USP32: variants seen among roughly 807,000 people sequenced by gnomAD.
USP32 encodes ubiquitin carboxyl-terminal hydrolase 32.
A neutral mutation model predicts 204.8 loss-of-function variants in USP32; 59 were observed. The observed-to-expected ratio is 0.29, with a 90% CI of 0.23 to 0.36. The LOEUF is 0.36. USP32 is among the 10% of genes least tolerant of loss of function. The pLI is 1.00. For missense variants in USP32, 1,160 were observed against 1,946.4 expected (o/e 0.60, Z 7.60); for synonymous variants, 517 against 678.4 (o/e 0.76, Z 3.70).
chr17:60,380,938 T>C (rs2089636691), intron 1 of USP32, among the ~76,000 whole-genome samples: 1 of 152,234 alleles, frequency 6.6e-6, no homozygotes, highest in African/African-American at 2.4e-5. Context: ...TGAATTCAGA[T>C]AATTTCAGAG....
At chr17:60,303,676 C>T (rs984877031) in intron 2 of USP32, among the ~76,000 whole-genome samples, 8 of 152,128 alleles carry the variant, frequency 5.3e-5, no homozygotes, top group African/African-American at 1.7e-4. Context: ...TTGGCTCAGT[C>T]TCTTCTGTCC....
At chr17:60,184,137 A>G (rs71373839) in intron 30 of USP32, among the ~76,000 whole-genome samples, 1 of 151,648 alleles carries the variant, frequency 6.6e-6, no homozygotes, top group South Asian at 2.1e-4. Flanking sequence ...ATAAATAAAT[A>G]AATAAATAAA....
chr17:60,362,824 C>G (rs2089235945), intron 1 of USP32, among the ~76,000 whole-genome samples: 1 of 151,688 alleles, frequency 6.6e-6, no homozygotes, highest in Non-Finnish European at 1.5e-5. Context: ...AAGTATCCTT[C>G]TTTCCCTCAG....
chr17:60,386,143 GTTCT>G (rs1417580654), intron 1 of USP32, among the ~76,000 whole-genome samples: 1 of 151,984 alleles, frequency 6.6e-6, no homozygotes, highest in Non-Finnish European at 1.5e-5. Flanking sequence ...ACTTCCAAGA[GTTCT>G]TTATTATTAA....
chr17:60,271,117 T>C (rs544879914), intron 6 of USP32, among the ~76,000 whole-genome samples: 1 of 152,320 alleles, frequency 6.6e-6, no homozygotes, highest in East Asian at 1.9e-4. Context: ...ACACATTTTA[T>C]ACATGAGCAT....
At position 60,226,167 on chromosome 17, in the gene USP32, G is replaced by C. The variant is rs1246870597; in HGVS notation, c.1304C>G (p.Thr435Ser). The C allele has an allele frequency of 6.3e-7, 1 of 1,597,450 alleles. No individual in the cohort carries two copies. Among genetic ancestry groups the C allele is most frequent in the African/African-American group, 1.4e-5 (1 of 73,762 alleles). ...VLNGGKYSFG[T>S]AAHPMEQVED... ...GACCTGCTCCATAGGATGGGCTGCA[G>C]TTCCAAATGAGTATTTTCCTCCATT... The change falls in exon 13 of 34, where the codon ACT becomes AGT. Residue 435 changes from threonine to serine, a missense_variant. Around this residue, in one of 8 missense-constraint regions of USP32, gnomAD observed 536 missense variants for 680.9 expected, o/e 0.79. Transcript: ENST00000300896.
upstream of USP32, among the ~76,000 whole-genome samples, chr17:60,395,910 A>G (rs951059364): frequency 6.6e-6 from 1 of 152,156 alleles, no homozygotes; most frequent in Non-Finnish European, 1.5e-5. Flanking sequence ...ATAGAAGTGG[A>G]AAAGCACCTA....
chr17:60,219,738 C>T lies in USP32; in HGVS notation c.1799G>A (p.Arg600His), dbSNP rs1339380202. The change falls in exon 16 of 34, where the codon CGC becomes CAC. Residue 600 changes from arginine (R) to histidine (H), a missense_variant. By Grantham distance (29) the Arg-to-His change is conservative. This residue lies in a region of USP32 where 37 missense variants were observed against 62.6 expected (regional missense o/e 0.59). Transcript: ENST00000300896. ...TDIPELELFP[R>H]YLLFLRQQPA... Reference sequence around the variant, plus strand: ...CTGCTGTCTCAGGAAGAGAAGATAGCGGGGAAATAATTCCAGCTCTGGGAT... The same window carrying T: ...CTGCTGTCTCAGGAAGAGAAGATAGTGGGGAAATAATTCCAGCTCTGGGAT... 4 of 1,612,500 alleles carry T rather than the reference C, an allele frequency of 2.5e-6. No homozygotes were observed. In the South Asian group the frequency reaches 3.3e-5, roughly 13 times the overall value.
intron 25 of USP32, among the ~76,000 whole-genome samples, chr17:60,206,443 G>A (rs1175025167): frequency 6.7e-6 from 1 of 149,362 alleles, no homozygotes; most frequent in Non-Finnish European, 1.5e-5. Flanking sequence ...GATCACAGAA[G>A]TTTCCACCAC....
Position 60,294,673 on chromosome 17 carries a change from TTAAC to T in USP32, c.411+6_411+9del, listed in dbSNP as rs2087381059. The T allele has an allele frequency of 5.1e-6, 8 of 1,562,126 alleles. No homozygotes were observed. Among genetic ancestry groups the T allele is most frequent in the Non-Finnish European group, 5.3e-6 (6 of 1,141,116 alleles). ...ATGAAAAGGGATAAAATGTAAATCT[TTAAC>T]TATACCTCTGAGAAACACTTCCTGA... On this transcript the variant is annotated splice_donor_region_variant and intron_variant, in intron 4 of 33. Transcript: ENST00000300896.
intron 2 of USP32, 142 bp from the exon 3 acceptor site, chr17:60,301,846 C>T: frequency 1.6e-6 from 1 of 630,712 alleles, no homozygotes; most frequent in East Asian, 2.9e-5. Flanking sequence ...AAGTTTCTCC[C>T]TCTTCTTCCT....
intron 1 of USP32, among the ~76,000 whole-genome samples, chr17:60,413,564 C>T (rs2090035032): frequency 1.3e-5 from 2 of 152,086 alleles, no homozygotes; most frequent in South Asian, 4.1e-4. Context: ...ACTTTGGGAT[C>T]AGCAGAAAAG....
intron 1 of USP32, among the ~76,000 whole-genome samples, chr17:60,407,781 CAAA>C (rs750848462): frequency 1.4e-4 from 5 of 35,954 alleles, no homozygotes; most frequent in Admixed American, 3.5e-4. Context: ...GCCTCTGTCT[CAAA>C]AAAAAAAAAA....
chr17:60,202,324 A>G (rs1567761600), intron 26 of USP32, among the ~76,000 whole-genome samples: 1 of 152,192 alleles, frequency 6.6e-6, no homozygotes, highest in Non-Finnish European at 1.5e-5. Flanking sequence ...TGTGAAATAA[A>G]TCTTGATATC....
intron 27 of USP32, 30 bp downstream of exon 27, chr17:60,198,230 C>T (rs768252863): frequency 2.5e-6 from 4 of 1,601,706 alleles, no homozygotes; most frequent in Middle Eastern, 1.7e-4. Context: ...GTTTGGAAAC[C>T]ACAGGTTTAG....
chr17:60,280,140 A>G (rs1167870576), intron 5 of USP32, among the ~76,000 whole-genome samples: 2 of 152,140 alleles, frequency 1.3e-5, no homozygotes, highest in Non-Finnish European at 2.9e-5. Flanking sequence ...CTTGTTACCC[A>G]GGCTGGAGTG....
chr17:60,269,327 T>A lies in USP32; in HGVS notation c.811+123A>T, dbSNP rs2086672168. On this transcript the variant is annotated intron_variant, in intron 7 of 33. Coordinates refer to ENST00000300896, the MANE Select transcript of USP32 (RefSeq NM_032582.4). ...CAGTAAAACCCTAACATGAGATTAA[T>A]ATTTGTTAATCTGACAAAGTTATAA... 27 of 706,456 alleles carry A rather than the reference T, an allele frequency of 3.8e-5. No individual in the cohort carries two copies. The South Asian group carries it at 4.7e-4, about 12-fold the overall frequency. 43.8% of individuals were successfully genotyped at this position (706,456 alleles called of 1,614,324 possible).
chr17:60,260,999 G>A (rs1054549732), intron 9 of USP32, among the ~76,000 whole-genome samples: 3 of 152,152 alleles, frequency 2.0e-5, no homozygotes, highest in Admixed American at 6.5e-5. Flanking sequence ...TGAACTCTAC[G>A]GGTGAGGATA....
chr17:60,221,227 C>G (rs1163749576), intron 15 of USP32, among the ~76,000 whole-genome samples: 2 of 151,988 alleles, frequency 1.3e-5, no homozygotes, highest in African/African-American at 4.8e-5. Flanking sequence ...GATTCTGTCT[C>G]TTAAAAAAAT....
Sources: gnomAD v4.1 joint callset for allele counts (sites outside exome capture counted in the v4.1 genomes callset) on GRCh38, gnomAD v4.1.1 for gene constraint, gnomAD v4.1.1 regional missense constraint, MANE v1.5 for transcripts, NCBI Gene and HGNC (gene_info 2026-07-23, HGNC 2026-07-21) for gene names.